The following NEGR1 variants were observed in gnomAD, a reference collection of about 807,000 sequenced individuals.
NEGR1 encodes the protein IgLON family member 4.
A neutral mutation model predicts 40.9 loss-of-function variants in NEGR1; 10 were observed. The observed-to-expected ratio is 0.24, with a 90% confidence interval of 0.15 to 0.42. The LOEUF (loss-of-function observed/expected upper bound fraction) is 0.42. Ranked by LOEUF, NEGR1 falls within the 10% of genes least tolerant of loss-of-function variation. The probability of loss-of-function intolerance (pLI) is 1.00; values close to 1 mark genes in which losing one functional copy is unlikely to be tolerated. For missense variants in NEGR1, 352 were observed against 438.9 expected (o/e 0.80, Z 1.77); for synonymous variants, 185 against 166.8 (o/e 1.11, Z -0.84).
intron 1 of NEGR1, among the ~76,000 whole-genome samples, chr1:72,068,319 G>T (rs937515520): frequency 3.3e-5 from 5 of 152,120 alleles, no homozygotes; most frequent in African/African-American, 7.2e-5. Flanking sequence ...TCCCATGAGA[G>T]GATCCAGTCA....
chr1:71,749,537 C>T (rs1446970670), intron 3 of NEGR1, among the ~76,000 whole-genome samples: 3 of 152,198 alleles, frequency 2.0e-5, no homozygotes, highest in African/African-American at 4.8e-5. Context: ...ATTTTGAGCT[C>T]GTGTCCCTGA....
At chr1:72,254,700 TAAAAA>T (rs5775112) in intron 1 of NEGR1, among the ~76,000 whole-genome samples, 2 of 106,604 alleles carry the variant, frequency 1.9e-5, no homozygotes, top group Non-Finnish European at 1.9e-5. Context: ...AGACTCTGTC[TAAAAA>T]AAAAAAAAAA....
chr1:71,810,917 T>A (rs1054927323), intron 2 of NEGR1, among the ~76,000 whole-genome samples: 9 of 152,218 alleles, frequency 5.9e-5, no homozygotes, highest in Non-Finnish European at 1.0e-4. Context: ...CAAGCATTTC[T>A]TTATAGCAGC....
At chr1:72,039,036 G>T (rs1646929349) in intron 1 of NEGR1, among the ~76,000 whole-genome samples, 1 of 151,948 alleles carries the variant, frequency 6.6e-6, no homozygotes, top group African/African-American at 2.4e-5. Flanking sequence ...GGATTTTGAA[G>T]AATTACTAGG....
intron 1 of NEGR1, among the ~76,000 whole-genome samples, chr1:72,177,140 A>T (rs1176615086): frequency 2.0e-5 from 3 of 152,084 alleles, no homozygotes; most frequent in African/African-American, 7.2e-5. Flanking sequence ...TAGTTATATG[A>T]TCTTGGTTAA....
intron 1 of NEGR1, among the ~76,000 whole-genome samples, chr1:72,000,906 G>A (rs1243708670): frequency 1.3e-5 from 2 of 152,136 alleles, no homozygotes; most frequent in African/African-American, 2.4e-5. Context: ...AGGACAGCCT[G>A]AAGGCACAGA....
At chr1:72,211,174 T>C (rs1653593404) in intron 1 of NEGR1, among the ~76,000 whole-genome samples, 1 of 151,784 alleles carries the variant, frequency 6.6e-6, no homozygotes, top group Non-Finnish European at 1.5e-5. Flanking sequence ...TCTCTTGCTT[T>C]CTCTCTTCCT....
At chr1:72,220,170 G>T (rs1557584600) in intron 1 of NEGR1, among the ~76,000 whole-genome samples, 2 of 151,010 alleles carry the variant, frequency 1.3e-5, no homozygotes. Flanking sequence ...TTAAATCTCA[G>T]AAAAAAATGA....
At chr1:71,947,093 C>T (rs879421758) in intron 1 of NEGR1, among the ~76,000 whole-genome samples, 2,721 of 70,010 alleles carry the variant, frequency 0.039, 48 homozygotes, top group Middle Eastern at 0.16. Flanking sequence ...GTCTCATACA[C>T]ACACACACAC....
chr1:71,677,154 A>G (rs1164775843), intron 4 of NEGR1, among the ~76,000 whole-genome samples: 3 of 152,200 alleles, frequency 2.0e-5, no homozygotes, highest in Non-Finnish European at 4.4e-5. Flanking sequence ...TTGGCCTTCT[A>G]TAATGATGGT....
chr1:71,871,919 G>T (rs1010186690), intron 2 of NEGR1, among the ~76,000 whole-genome samples: 18 of 152,088 alleles, frequency 1.2e-4, no homozygotes, highest in Non-Finnish European at 5.9e-5. Flanking sequence ...TTTCTAAGAA[G>T]AATTATGGGA....
rs1259342987 is a variant in NEGR1, at chr1:71,852,420, A to G, written c.410-76123T>C. Among the ~76,000 whole-genome samples the G allele has an allele frequency of 2.6e-5, 4 of 152,176 alleles. No homozygotes were observed. In the East Asian group the frequency reaches 5.8e-4, roughly 22 times the overall value. ...TTTTTCATCAAACATTAAAAAACCC[A>G]TATTTCAATATGAAAAATATGAAAA... On this transcript the variant is annotated intron_variant, in intron 2 of 6. Coordinates refer to ENST00000357731, the MANE Select transcript of NEGR1 (RefSeq NM_173808.3).
Position 71,407,170 on chromosome 1 carries a change from C to A in NEGR1, c.*276G>T. ...AATGCTTTTGAAAAGTTGTAGATTA[C>A]AAACATGAAATCACAATTAATATCC... is the stretch of plus-strand genomic sequence containing the variant. On this transcript the variant is annotated 3_prime_UTR_variant, in exon 7 of 7. Transcript: ENST00000357731. The A allele has an allele frequency of 4.2e-6, 1 of 236,106 alleles. No individual in the cohort carries two copies. The allele number at this position is 236,106 out of a possible 1,614,324, so 14.6% of individuals were successfully genotyped here.
intron 6 of NEGR1, among the ~76,000 whole-genome samples, chr1:71,449,432 G>A (rs1646607954): frequency 6.6e-6 from 1 of 152,144 alleles, no homozygotes; most frequent in South Asian, 2.1e-4. Flanking sequence ...GCTTATTGAT[G>A]TTCAAATCTG....
intron 3 of NEGR1, among the ~76,000 whole-genome samples, chr1:71,727,780 C>A (rs1557629761): frequency 6.6e-6 from 1 of 152,090 alleles, no homozygotes; most frequent in Non-Finnish European, 1.5e-5. Flanking sequence ...AACACAAAGG[C>A]AAAAGCGATC....
chr1:71,574,170 G>A (rs1466343052), intron 6 of NEGR1, among the ~76,000 whole-genome samples: 2 of 152,164 alleles, frequency 1.3e-5, no homozygotes, highest in African/African-American at 2.4e-5. Flanking sequence ...TTGTTCTCTT[G>A]TAACAGACAC....
chr1:71,532,598 T>C (rs1647390075), intron 6 of NEGR1, among the ~76,000 whole-genome samples: 1 of 151,638 alleles, frequency 6.6e-6, no homozygotes. Context: ...CAGAAGCTAA[T>C]CACCTTGCAA....
chr1:72,003,728 C>A (rs1646578474), intron 1 of NEGR1, among the ~76,000 whole-genome samples: 1 of 152,020 alleles, frequency 6.6e-6, no homozygotes, highest in African/African-American at 2.4e-5. Context: ...ATAGAAAAAG[C>A]ACTTTGATAG....
intron 6 of NEGR1, among the ~76,000 whole-genome samples, chr1:71,461,234 T>G (rs1646712582): frequency 6.6e-6 from 1 of 152,194 alleles, no homozygotes; most frequent in Non-Finnish European, 1.5e-5. Context: ...AACAAAAATA[T>G]CATGAAAATT....
Sources: allele counts gnomAD v4.1 joint callset (sites outside exome capture counted in the v4.1 genomes callset), GRCh38; gene constraint gnomAD v4.1.1; transcripts MANE v1.5; gene names NCBI Gene and HGNC (gene_info 2026-07-23, HGNC 2026-07-21).